Variants in PLCH2 observed in about 807,000 individuals in gnomAD.
The protein encoded by PLCH2 is 1-phosphatidylinositol 4,5-bisphosphate phosphodiesterase eta-2.
Under a neutral mutation model 134.7 loss-of-function variants are expected in PLCH2, and 98 were observed. The ratio of observed to expected loss-of-function variants is 0.73; its 90% CI spans 0.62 to 0.86. The LOEUF is 0.86. PLCH2 is among the 40% of genes least tolerant of loss of function. The probability of loss-of-function intolerance (pLI) is 0.00; values close to 1 mark genes in which losing one functional copy is unlikely to be tolerated. For synonymous variants in PLCH2, 974 were observed against 827.5 expected (o/e 1.18, Z -3.04); for missense variants, 1,994 against 1,986.6 (o/e 1.00, Z -0.07).
intron 2 of PLCH2, among the ~76,000 whole-genome samples, chr1:2,450,472 T>A (rs1008190567): frequency 6.6e-6 from 1 of 150,902 alleles, no homozygotes; most frequent in East Asian, 1.9e-4. Context: ...CAACTCGGCC[T>A]GCCTCCCTAT....
chr1:2,490,081 C>G (rs908321485), intron 10 of PLCH2, among the ~76,000 whole-genome samples: 1 of 142,520 alleles, frequency 7.0e-6, no homozygotes, highest in Non-Finnish European at 1.5e-5. Flanking sequence ...CCAGTTTCAG[C>G]TCCCACATTT....
chr1:2,487,925 G>A (rs934177313), intron 8 of PLCH2, among the ~76,000 whole-genome samples: 2 of 152,218 alleles, frequency 1.3e-5, no homozygotes, highest in African/African-American at 2.4e-5. Context: ...GGCTTCACAG[G>A]AGCAGCTCGT....
chr1:2,499,402 G>A lies in PLCH2; in HGVS notation c.2581+172G>A, dbSNP rs1449845030. Among the ~76,000 whole-genome samples the A allele has an allele frequency of 2.0e-5, 3 of 152,278 alleles. No homozygotes were observed. The East Asian group carries it at 5.8e-4, about 29-fold the overall frequency. ...GCCTGGGGATCTGCGGGTCAGGCAGGGGCATGGCCTGTGGGGGAGGGGCCA... is the reference window on the plus strand; with the variant it reads ...GCCTGGGGATCTGCGGGTCAGGCAGAGGCATGGCCTGTGGGGGAGGGGCCA... On this transcript the variant is annotated intron_variant, in intron 19 of 21. Coordinates refer to ENST00000378486, the MANE Select transcript of PLCH2 (RefSeq NM_014638.4).
In PLCH2 at chr1:2,439,585, G is replaced by A. The variant is rs1445080046; in HGVS notation, c.115+8956G>A. On this transcript the variant is annotated intron_variant, in intron 2 of 3. Transcript: ENST00000609981. The surrounding 1 kb of genome is among the most constrained non-coding windows in gnomAD (Gnocchi z 4.7). ...AGCCCATTGATTGAGTTGCGTGCAC[G>A]TGCTCTCTCTGCAGTGCTCAGCTGT... Among the ~76,000 whole-genome samples, 2 of 152,238 alleles carry A rather than the reference G, an allele frequency of 1.3e-5. No individual in the cohort carries two copies. The highest frequency in any genetic ancestry group is 4.8e-5 in the African/African-American group (2 of 41,466).
At chr1:2,491,046 C>T in intron 10 of PLCH2, 146 bp from the exon 11 acceptor site, 1 of 742,054 alleles carries the variant, frequency 1.3e-6, no homozygotes, top group East Asian at 2.7e-5. Context: ...TCCCGTCCTG[C>T]CTGTGGCTGC....
chr1:2,482,097 C>T (rs997404780), intron 4 of PLCH2, among the ~76,000 whole-genome samples: 10 of 152,376 alleles, frequency 6.6e-5, no homozygotes, highest in Admixed American at 2.6e-4. Flanking sequence ...CCAAAGTGCA[C>T]GTTCAACAGC....
chr1:2,458,708 C>A (rs1342170902), intron 2 of PLCH2, among the ~76,000 whole-genome samples: 1 of 152,186 alleles, frequency 6.6e-6, no homozygotes, highest in African/African-American at 2.4e-5. Context: ...CCCGCCCAGA[C>A]CGCGCCCATA....
At chr1:2,495,678 C>T (rs1642846495) in intron 13 of PLCH2, 108 bp downstream of exon 13, 2 of 711,418 alleles carry the variant, frequency 2.8e-6, no homozygotes, top group Non-Finnish European at 4.6e-6. Flanking sequence ...CAGGGCAGGA[C>T]CTACCCCCTT....
At chr1:2,452,267 G>A (rs1219338242) in intron 2 of PLCH2, among the ~76,000 whole-genome samples, 1 of 152,210 alleles carries the variant, frequency 6.6e-6, no homozygotes, top group African/African-American at 2.4e-5. Context: ...TCCAGAAGCC[G>A]CTGAGGCCTG....
rs76238098 is a variant in PLCH2, at chr1:2,459,027, C to T, written c.116-19449C>T. Among the ~76,000 whole-genome samples, 1,127 of 152,116 alleles carry T rather than the reference C, an allele frequency of 7.4e-3. 9 individuals are homozygous for T. The highest frequency in any genetic ancestry group is 0.025 in the African/African-American group (1,048 of 41,578). The stretch of plus-strand genomic sequence containing the variant: ...TCTTGAGTCACTGCCTCGTAGTGAC[C>T]TGGCCCCCTCATTGCAGACTCAGCC... On this transcript the variant is annotated intron_variant, in intron 2 of 3. Transcript: ENST00000609981.
At chr1:2,419,288 C>T in the PLCH2 span, among the ~76,000 whole-genome samples, 1 of 152,234 alleles carries the variant, frequency 6.6e-6, no homozygotes, top group African/African-American at 2.4e-5. Context: ...TCCGTAAATC[C>T]ATCTATCCCC....
chr1:2,479,371 T>G, intron 2 of PLCH2: 1 of 192,572 alleles, frequency 5.2e-6, no homozygotes, highest in Non-Finnish European at 1.1e-5. Flanking sequence ...CCTGCGGCGC[T>G]GGAGCCCTGG....
At chr1:2,474,249 C>T (rs1222862253), upstream of PLCH2, among the ~76,000 whole-genome samples, 1 of 152,174 alleles carries the variant, frequency 6.6e-6, no homozygotes, top group East Asian at 1.9e-4. Context: ...TGGGCCTGGG[C>T]CCCTGCCACG....
In PLCH2 at chr1:2,490,434, G is replaced by C. The variant is rs139326008; in HGVS notation, c.1515+567G>C. On this transcript the variant is annotated intron_variant, in intron 10 of 21. Coordinates refer to ENST00000378486, the MANE Select transcript of PLCH2 (RefSeq NM_014638.4). Reference sequence around the variant, plus strand: ...ACTGTGTCCCCGCCAGGGCCAGGGTGGGGGGCTGCAGAGATGGGAGGGTCC... The same window carrying C: ...ACTGTGTCCCCGCCAGGGCCAGGGTCGGGGGCTGCAGAGATGGGAGGGTCC... Among the ~76,000 whole-genome samples the C allele has an allele frequency of 2.6e-5, 4 of 152,018 alleles. No individual in the cohort carries two copies. The East Asian group carries it at 7.7e-4, about 29-fold the overall frequency.
chr1:2,449,031 C>T (rs1640073921), intron 2 of PLCH2, among the ~76,000 whole-genome samples: 1 of 152,198 alleles, frequency 6.6e-6, no homozygotes, highest in South Asian at 2.1e-4. Context: ...AGGCTCCAGG[C>T]CCCACCAGCT....
upstream of PLCH2, among the ~76,000 whole-genome samples, chr1:2,474,689 C>G (rs955112893): frequency 6.6e-6 from 1 of 152,112 alleles, no homozygotes; most frequent in African/African-American, 2.4e-5. Flanking sequence ...GGAGCACCCC[C>G]AGCTGGGGCC....
intron 2 of PLCH2, among the ~76,000 whole-genome samples, chr1:2,456,551 C>A (rs566619978): frequency 6.6e-6 from 1 of 152,224 alleles, no homozygotes; most frequent in Non-Finnish European, 1.5e-5. Flanking sequence ...CGGGGTGGCT[C>A]GTCCTGTGCA....
At chr1:2,501,192 G>T (rs1643205660) in intron 20 of PLCH2, 1 of 152,114 alleles carries the variant, frequency 6.6e-6, no homozygotes, top group African/African-American at 2.4e-5. Flanking sequence ...CGCCCCTGCA[G>T]GGGGGTGACC....
Position 2,504,752 on chromosome 1 carries a change from G to A in PLCH2, c.3790G>A (p.Asp1264Asn), listed in dbSNP as rs1557426864. ...GAGCCTGGGCGACCTCACTGCTGAT[G>A]ACTTTGCCCCTAGCTTTGAGGGCGG... The part of the protein sequence containing the change: ...SKSLGDLTAD[D>N]FAPSFEGGSR... Residue 1264 changes from aspartate to asparagine, a missense_variant, in exon 22 of 22, where the codon GAC (aspartate) becomes AAC (asparagine). Around this residue, in one of 2 missense-constraint regions of PLCH2, gnomAD observed 900 missense variants for 752.3 expected, o/e 1.20. Coordinates refer to ENST00000378486, the MANE Select transcript of PLCH2 (RefSeq NM_014638.4). 1 of 1,612,488 alleles carries A rather than the reference G, an allele frequency of 6.2e-7. No individual in the cohort carries two copies. Among genetic ancestry groups the A allele is most frequent in the South Asian group, 1.1e-5 (1 of 91,088 alleles).
Sources: allele counts gnomAD v4.1 joint callset (sites outside exome capture counted in the v4.1 genomes callset), GRCh38; gene constraint gnomAD v4.1.1; regional missense constraint gnomAD v4.1.1; non-coding constraint Gnocchi (gnomAD v3.1); transcripts MANE v1.5; gene names NCBI Gene and HGNC (gene_info 2026-07-23, HGNC 2026-07-21).